TATDN1: variants seen among roughly 807,000 people sequenced by gnomAD.
TATDN1 encodes deoxyribonuclease TATDN1.
TATDN1 carries 40 observed loss-of-function variants against 46.4 expected under a neutral mutation model. The ratio of observed to expected loss-of-function variants is 0.86; its 90% CI spans 0.67 to 1.12. The LOEUF is 1.12. Among genes scored for constraint, TATDN1 ranks in the 50% most tolerant of loss-of-function variants. The probability of loss-of-function intolerance (pLI) is 0.00; values close to 1 mark genes in which losing one functional copy is unlikely to be tolerated. For synonymous variants in TATDN1, 95 were observed against 105.6 expected (o/e 0.90, Z 0.62); for missense variants, 326 against 348.4 (o/e 0.94, Z 0.51).
intron 1 of TATDN1, among the ~76,000 whole-genome samples, chr8:124,524,260 T>C (rs1395162877): frequency 6.6e-6 from 1 of 152,126 alleles, no homozygotes; most frequent in Non-Finnish European, 1.5e-5. Context: ...AAAAGTAAAA[T>C]GCAGAAAACT....
chr8:124,518,246 CG>C (rs1180161353), intron 4 of TATDN1, among the ~76,000 whole-genome samples: 1 of 106,836 alleles, frequency 9.4e-6, no homozygotes, highest in Non-Finnish European at 1.9e-5. Context: ...AAAAAAAGGC[CG>C]GGTGCAGTGG....
chr8:124,502,048 T>TG (rs1818009660), intron 9 of TATDN1, among the ~76,000 whole-genome samples: 2 of 151,922 alleles, frequency 1.3e-5, no homozygotes, highest in Non-Finnish European at 1.5e-5. Context: ...CCATTGAAAG[T>TG]GGGGGGCTGG....
intron 8 of TATDN1, among the ~76,000 whole-genome samples, chr8:124,507,522 C>T (rs1393207355): frequency 2.0e-5 from 3 of 152,176 alleles, no homozygotes; most frequent in Non-Finnish European, 4.4e-5. Context: ...TGGCTCACAC[C>T]TGTAATCCCA....
At chr8:124,532,292 G>GT (rs1428764050) in intron 1 of TATDN1, among the ~76,000 whole-genome samples, 2 of 152,072 alleles carry the variant, frequency 1.3e-5, no homozygotes, top group Admixed American at 6.6e-5. Flanking sequence ...CTTTGTTTTT[G>GT]TTTTTTTCTG....
intron 4 of TATDN1, among the ~76,000 whole-genome samples, chr8:124,517,928 T>G (rs1019939525): frequency 6.6e-6 from 1 of 152,092 alleles, no homozygotes; most frequent in African/African-American, 2.4e-5. Flanking sequence ...ACACCTGAGG[T>G]TGGCTGGGCA....
At chr8:124,503,214 A>G (rs1345009806) in intron 9 of TATDN1, among the ~76,000 whole-genome samples, 3 of 152,202 alleles carry the variant, frequency 2.0e-5, no homozygotes, top group South Asian at 4.1e-4. Context: ...AGTACGGGAT[A>G]TAAGAACTAA....
At chr8:124,509,755 C>T (rs1818841306) in intron 6 of TATDN1, among the ~76,000 whole-genome samples, 1 of 152,146 alleles carries the variant, frequency 6.6e-6, no homozygotes, top group African/African-American at 2.4e-5. Context: ...AAGCAGTCTT[C>T]AGGCCGGGCG....
intron 1 of TATDN1, among the ~76,000 whole-genome samples, chr8:124,529,431 G>C (rs1020996091): frequency 3.3e-5 from 5 of 152,192 alleles, no homozygotes; most frequent in Non-Finnish European, 5.9e-5. Context: ...GGGTCCTTCT[G>C]TAAGTTTGTG....
chr8:124,515,747 T>G lies in TATDN1; in HGVS notation c.388A>C (p.Lys130Gln). 2 of 1,612,624 alleles carry G rather than the reference T, an allele frequency of 1.2e-6. No homozygotes were observed. Among genetic ancestry groups the G allele is most frequent in the Non-Finnish European group, 1.7e-6 (2 of 1,179,234 alleles). Residue 130 changes from lysine to glutamine, a missense_variant and splice_region_variant, in exon 6 of 12, where the codon AAA (lysine) becomes CAA (glutamine). By Grantham distance (53) the Lys-to-Gln change is moderately conservative. Transcript: ENST00000276692. Reference sequence around the variant, plus strand: ...TGTAAAGCCAACAAATTTCCTTACTTGAGTTGAGTATCTTTGGGACAAAAC... The same window carrying G: ...TGTAAAGCCAACAAATTTCCTTACTGGAGTTGAGTATCTTTGGGACAAAAC... ...LQFCPKDTQLKYFEKQFELSE... is the reference protein window; with the variant it reads ...LQFCPKDTQLQYFEKQFELSE...
chr8:124,522,094 A>C, intron 3 of TATDN1, 57 bp downstream of exon 3: 2 of 1,290,598 alleles, frequency 1.5e-6, no homozygotes, highest in Non-Finnish European at 2.2e-6. Context: ...AATTTTAACT[A>C]AAATTTAGTT....
chr8:124,495,592 C>T (rs770824913), intron 9 of TATDN1, 50 bp from the exon 10 acceptor site: 1 of 1,397,476 alleles, frequency 7.2e-7, no homozygotes, highest in South Asian at 1.3e-5. Context: ...TAACGAATAC[C>T]TTTTTTCGTA....
intron 2 of TATDN1, 140 bp from the exon 3 acceptor site, chr8:124,522,340 T>A: frequency 1.5e-6 from 1 of 661,150 alleles, no homozygotes; most frequent in Non-Finnish European, 2.7e-6. Flanking sequence ...TTAATTAAAC[T>A]TTATTATAAA....
chr8:124,537,485 T>A (rs6982197), intron 1 of TATDN1, among the ~76,000 whole-genome samples: 66,618 of 151,960 alleles, frequency 0.44, 14,956 homozygotes, highest in South Asian at 0.54. Flanking sequence ...GTATGGTGTG[T>A]AAGCATTTAG....
intron 3 of TATDN1, among the ~76,000 whole-genome samples, chr8:124,520,882 G>T (rs1819979310): frequency 6.8e-6 from 1 of 148,120 alleles, no homozygotes; most frequent in African/African-American, 2.5e-5. Flanking sequence ...GGCAGAGCTT[G>T]CAGTGAGCCG....
At chr8:124,533,264 C>G (rs978581383) in intron 1 of TATDN1, among the ~76,000 whole-genome samples, 3 of 145,658 alleles carry the variant, frequency 2.1e-5, no homozygotes, top group Admixed American at 6.8e-5. Context: ...AAAAAAAAAA[C>G]GCAAAATGGT....
Position 124,507,803 on chromosome 8 carries a change from A to C in TATDN1, c.516+671T>G, listed in dbSNP as rs547672750. Among the ~76,000 whole-genome samples the C allele has an allele frequency of 2.8e-3, 426 of 151,986 alleles. 1 individual carries two copies. Among genetic ancestry groups the C allele is most frequent in the Non-Finnish European group, 4.9e-3 (332 of 67,968 alleles). ...AATAACCAAAAAAAAAAAAAAACAA[A>C]AAACACACACAAAAAACAAAAAAAA... On this transcript the variant is annotated intron_variant, in intron 8 of 11. Coordinates refer to ENST00000276692, the MANE Select transcript of TATDN1 (RefSeq NM_032026.4).
intron 1 of TATDN1, among the ~76,000 whole-genome samples, chr8:124,525,645 T>C (rs963990486): frequency 1.3e-5 from 2 of 152,204 alleles, no homozygotes; most frequent in Non-Finnish European, 2.9e-5. Flanking sequence ...CTTATTAGCA[T>C]GTAATTATTG....
chr8:124,508,443 C>A, intron 8 of TATDN1, 31 bp downstream of exon 8: 1 of 1,592,788 alleles, frequency 6.3e-7, no homozygotes, highest in Non-Finnish European at 8.6e-7. Flanking sequence ...AGATGTTCAA[C>A]CTGTATTAAA....
intron 8 of TATDN1, among the ~76,000 whole-genome samples, chr8:124,506,811 T>C (rs1230631319): frequency 6.6e-6 from 1 of 151,672 alleles, no homozygotes; most frequent in Admixed American, 6.6e-5. Context: ...CATATGAATA[T>C]ATGTATATCT....
Sources: allele counts gnomAD v4.1 joint callset (sites outside exome capture counted in the v4.1 genomes callset), GRCh38; gene constraint gnomAD v4.1.1; transcripts MANE v1.5; gene names NCBI Gene and HGNC (gene_info 2026-07-23, HGNC 2026-07-21).